The following OPRM1 variants were observed in gnomAD, a reference collection of about 807,000 sequenced individuals.
The protein encoded by OPRM1 is opioid receptor mu 1.
A neutral mutation model predicts 31.8 loss-of-function variants in OPRM1; 27 were observed. The observed-to-expected ratio is 0.85, with a 90% CI of 0.63 to 1.17. The LOEUF is 1.17. Ranked by LOEUF, OPRM1 falls within the 50% of genes most tolerant of loss-of-function variation. OPRM1 has a pLI of 0.00. For missense variants in OPRM1, 536 were observed against 511.1 expected (o/e 1.05, Z -0.47); for synonymous variants, 196 against 189.9 (o/e 1.03, Z -0.26).
chr6:154,093,477 C>T (rs201858502), intron 3 of OPRM1: 1 of 1,610,720 alleles, frequency 6.2e-7, no homozygotes, highest in Non-Finnish European at 8.5e-7. Flanking sequence ...CCCGACACTG[C>T]CCTTGACTCC....
chr6:154,022,525 G>A (rs530941928), intron 1 of OPRM1, among the ~76,000 whole-genome samples: 1 of 139,520 alleles, frequency 7.2e-6, no homozygotes, highest in East Asian at 2.0e-4. Context: ...TTTGTTGATT[G>A]TTTATTTTGC....
chr6:154,136,229 C>T (rs1181172543), downstream of OPRM1, among the ~76,000 whole-genome samples: 1 of 152,166 alleles, frequency 6.6e-6, no homozygotes, highest in Non-Finnish European at 1.5e-5. Context: ...ATGCCTGTCA[C>T]TAGTTCTGTT....
intron 1 of OPRM1, among the ~76,000 whole-genome samples, chr6:154,033,573 GA>G (rs1191394910): frequency 6.6e-6 from 1 of 152,220 alleles, no homozygotes; most frequent in Non-Finnish European, 1.5e-5. Flanking sequence ...GAAGCACAGA[GA>G]GTTGTACAGA....
chr6:154,089,120 A>T (rs1019139457), intron 1 of OPRM1, among the ~76,000 whole-genome samples: 2 of 152,172 alleles, frequency 1.3e-5, no homozygotes, highest in African/African-American at 4.8e-5. Context: ...TTGTGTACAT[A>T]CCTATAGACA....
At chr6:154,114,888 A>C (rs518084) in intron 3 of OPRM1, among the ~76,000 whole-genome samples, 27,233 of 151,696 alleles carry the variant, frequency 0.18, 2,941 homozygotes, top group Non-Finnish European at 0.25. Flanking sequence ...AAAAAAAAAA[A>C]ACAAAAAACT....
At chr6:154,227,660 T>G (rs1164378676) in intron 3 of OPRM1, among the ~76,000 whole-genome samples, 1 of 152,104 alleles carries the variant, frequency 6.6e-6, no homozygotes, top group Non-Finnish European at 1.5e-5. Context: ...GAGGCTGTCA[T>G]GGGTTGTGAT....
In OPRM1 at chr6:154,127,619, C is replaced by T. The variant is rs1797668343; in HGVS notation, c.*8898C>T. Among the ~76,000 whole-genome samples the T allele has an allele frequency of 1.3e-5, 2 of 152,134 alleles. No homozygotes were observed. Among genetic ancestry groups the T allele is most frequent in the African/African-American group, 4.8e-5 (2 of 41,420 alleles). Reference sequence around the variant, plus strand: ...TTGTGGTGGGCCGGCTACAACCCTCCCCACCCCTCGCTTTCACTAAATAAC... The same window carrying T: ...TTGTGGTGGGCCGGCTACAACCCTCTCCACCCCTCGCTTTCACTAAATAAC... On this transcript the variant is annotated 3_prime_UTR_variant, in exon 4 of 4. Coordinates refer to ENST00000330432, the MANE Select transcript of OPRM1 (RefSeq NM_000914.5).
chr6:154,044,618 GA>G (rs879832160), intron 1 of OPRM1, among the ~76,000 whole-genome samples: 4 of 150,822 alleles, frequency 2.7e-5, no homozygotes, highest in African/African-American at 9.7e-5. Context: ...ATAATACTCA[GA>G]AAAAAACCTC....
chr6:154,172,574 G>C (rs1799962461), intron 3 of OPRM1, among the ~76,000 whole-genome samples: 1 of 152,230 alleles, frequency 6.6e-6, no homozygotes, highest in South Asian at 2.1e-4. Flanking sequence ...GGATGCTGGA[G>C]CTTGGCAAGG....
chr6:154,043,223 T>TG, intron 1 of OPRM1, among the ~76,000 whole-genome samples: 1 of 152,298 alleles, frequency 6.6e-6, no homozygotes, highest in Non-Finnish European at 1.5e-5. Context: ...AGTACCTTCA[T>TG]TTTTAAGATT....
rs200398791 is a variant in OPRM1, at chr6:154,118,705, C to G, written c.1187C>G (p.Thr396Ser). 6.2e-7 allele frequency: 1 copy of G among 1,613,294 alleles called. No homozygotes were observed. Among genetic ancestry groups the G allele is most frequent in the East Asian group, 2.2e-5 (1 of 44,882 alleles). ...CAGCTAGAAAATCTGGAAGCAGAAACTGCTCCGTTGCCCTAACAGGGTCTC... is the reference window on the plus strand; with the variant it reads ...CAGCTAGAAAATCTGGAAGCAGAAAGTGCTCCGTTGCCCTAACAGGGTCTC... ...NHQLENLEAE[T>S]APLP The change falls in exon 4 of 4, where the codon ACT becomes AGT. Residue 396 changes from threonine (T) to serine (S), a missense_variant. Physicochemically the swap from Thr to Ser is moderately conservative, Grantham distance 58. Transcript: ENST00000330432.
chr6:154,244,690 G>C (rs1460781230), intron 3 of OPRM1, among the ~76,000 whole-genome samples: 3 of 152,214 alleles, frequency 2.0e-5, no homozygotes, highest in Non-Finnish European at 4.4e-5. Context: ...TGAATGAGCT[G>C]ATGAGGCCAA....
intron 1 of OPRM1, among the ~76,000 whole-genome samples, chr6:154,075,531 A>G (rs889233931): frequency 1.3e-5 from 2 of 150,782 alleles, no homozygotes; most frequent in African/African-American, 4.9e-5. Flanking sequence ...GGCTGACTGC[A>G]ACCTCCACCT....
chr6:154,152,261 AAGAAAGAAAAAGAAAAGG>A (rs544147422), intron 3 of OPRM1, among the ~76,000 whole-genome samples: 5,426 of 143,782 alleles, frequency 0.038, 515 homozygotes, highest in African/African-American at 0.13. Flanking sequence ...AAAGAAAAGA[AAGAAAGAAAAAGAAAAGG>A]AAAGAAAAGG....
chr6:154,036,528 A>G (rs1583163907), upstream of OPRM1, among the ~76,000 whole-genome samples: 1 of 152,112 alleles, frequency 6.6e-6, no homozygotes, highest in Middle Eastern at 3.4e-3. Flanking sequence ...CTGTTTCTAG[A>G]AAAGGGCAAT....
At chr6:154,078,784 T>C (rs1351346311) in intron 1 of OPRM1, among the ~76,000 whole-genome samples, 8 of 151,920 alleles carry the variant, frequency 5.3e-5, no homozygotes, top group Admixed American at 4.6e-4. Flanking sequence ...GAGGCTGAGG[T>C]AGAGGATCGC....
At chr6:154,050,149 GAA>G (rs1781907560) in intron 1 of OPRM1, among the ~76,000 whole-genome samples, 1 of 152,044 alleles carries the variant, frequency 6.6e-6, no homozygotes, top group Non-Finnish European at 1.5e-5. Flanking sequence ...TTCTTTACTG[GAA>G]GACTTTTTAT....
intron 3 of OPRM1, among the ~76,000 whole-genome samples, chr6:154,146,981 G>C (rs1798374999): frequency 6.6e-6 from 1 of 152,210 alleles, no homozygotes; most frequent in East Asian, 1.9e-4. Context: ...CAGCTCTGAA[G>C]TCCACATTGC....
intron 1 of OPRM1, among the ~76,000 whole-genome samples, chr6:154,076,464 A>G (rs1787903717): frequency 6.6e-6 from 1 of 152,222 alleles, no homozygotes; most frequent in Non-Finnish European, 1.5e-5. Context: ...ATTATTTTCA[A>G]CCTCTAATTA....
Sources: gnomAD v4.1 joint callset for allele counts (sites outside exome capture counted in the v4.1 genomes callset) on GRCh38, gnomAD v4.1.1 for gene constraint, MANE v1.5 for transcripts, NCBI Gene and HGNC (gene_info 2026-07-23, HGNC 2026-07-21) for gene names.